The following GPC6 variants were observed in gnomAD, a reference collection of about 807,000 sequenced individuals.
GPC6 encodes glypican-6.
Under a neutral mutation model 55.2 loss-of-function variants are expected in GPC6, and 14 were observed. That is an observed-to-expected ratio of 0.25 (90% confidence interval 0.17 to 0.40). The LOEUF is 0.40. GPC6 is among the 10% of genes least tolerant of loss of function. The pLI is 1.00. For missense variants in GPC6, 641 were observed against 708.5 expected, an observed-to-expected ratio of 0.90 and a Z score of 1.08; for synonymous variants, 278 against 259.6, an observed-to-expected ratio of 1.07 and a Z score of -0.68.
intron 2 of GPC6, among the ~76,000 whole-genome samples, chr13:93,799,871 G>T (rs1886316199): frequency 6.6e-6 from 1 of 152,184 alleles, no homozygotes; most frequent in South Asian, 2.1e-4. Flanking sequence ...CTGTCTTAAA[G>T]AAGTTACTAT....
At chr13:93,591,158 AG>A (rs74610185) in intron 2 of GPC6, among the ~76,000 whole-genome samples, 84,368 of 137,616 alleles carry the variant, frequency 0.61, 28,913 homozygotes, top group Non-Finnish European at 0.76. Flanking sequence ...ATAAAGCAAA[AG>A]AAAAAAAAAA....
At chr13:94,306,563 G>A (rs564339875) in intron 6 of GPC6, among the ~76,000 whole-genome samples, 13 of 151,894 alleles carry the variant, frequency 8.6e-5, no homozygotes, top group Non-Finnish European at 1.5e-4. Flanking sequence ...GACCTTGCCC[G>A]GAAACCCCAA....
intron 1 of GPC6, among the ~76,000 whole-genome samples, chr13:93,228,187 C>A (rs913527618): frequency 6.6e-6 from 1 of 152,132 alleles, no homozygotes; most frequent in Admixed American, 6.5e-5. Context: ...CTGGGAGGGA[C>A]CCTCGCCGGG....
Position 93,370,148 on chromosome 13 carries a change from T to C in GPC6, c.160+142532T>C, listed in dbSNP as rs1291975483. On this transcript the variant is annotated intron_variant, in intron 1 of 8. Transcript: ENST00000377047. ...TCATTATTCCAGACAGTTGTCATCA[T>C]ACTGAAATGAAAACTCCTTTTAAAA... Among the ~76,000 whole-genome samples the C allele has an allele frequency of 2.0e-5, 3 of 152,180 alleles. No individual in the cohort carries two copies. In the East Asian group the frequency reaches 5.8e-4, roughly 29 times the overall value.
At chr13:93,511,991 G>C (rs1900048) in intron 1 of GPC6, among the ~76,000 whole-genome samples, 16 of 151,598 alleles carry the variant, frequency 1.1e-4, no homozygotes, top group Non-Finnish European at 2.1e-4. Context: ...TAGATCATTA[G>C]TGGTGTACAG....
At chr13:93,660,538 A>G (rs1335618202) in intron 2 of GPC6, among the ~76,000 whole-genome samples, 3 of 152,198 alleles carry the variant, frequency 2.0e-5, no homozygotes, top group African/African-American at 2.4e-5. Context: ...TCATGGACCT[A>G]TGATTCTGGA....
chr13:93,597,510 T>C (rs557045527), intron 2 of GPC6, among the ~76,000 whole-genome samples: 1 of 152,242 alleles, frequency 6.6e-6, no homozygotes, highest in South Asian at 2.1e-4. Flanking sequence ...CATTTATGAA[T>C]TACAGTTGAC....
intron 6 of GPC6, among the ~76,000 whole-genome samples, chr13:94,363,166 T>G (rs1480242063): frequency 6.6e-6 from 1 of 152,188 alleles, no homozygotes; most frequent in African/African-American, 2.4e-5. Flanking sequence ...TATCTGGTGT[T>G]TTATTGCATG....
chr13:93,702,430 A>G (rs181161494), intron 2 of GPC6, among the ~76,000 whole-genome samples: 1 of 152,048 alleles, frequency 6.6e-6, no homozygotes, highest in Non-Finnish European at 1.5e-5. Flanking sequence ...ATCATTCTTA[A>G]GGGCCCTAGG....
intron 1 of GPC6, among the ~76,000 whole-genome samples, chr13:93,480,540 A>G (rs1360542413): frequency 6.6e-6 from 1 of 152,180 alleles, no homozygotes; most frequent in African/African-American, 2.4e-5. Context: ...TTGAATATAC[A>G]GTACTGTGGT....
intron 2 of GPC6, among the ~76,000 whole-genome samples, chr13:93,758,433 T>C (rs1884850475): frequency 6.6e-6 from 1 of 152,162 alleles, no homozygotes; most frequent in Admixed American, 6.6e-5. Context: ...TCTCTCTCCC[T>C]GTCTCTCTGT....
At chr13:93,598,085 A>G (rs564494715) in intron 2 of GPC6, among the ~76,000 whole-genome samples, 239 of 152,298 alleles carry the variant, frequency 1.6e-3, no homozygotes, top group Non-Finnish European at 2.1e-3. Flanking sequence ...CAGAGGTTGC[A>G]GTGAGCTGAG....
chr13:94,360,722 A>G (rs1399020024), intron 6 of GPC6, among the ~76,000 whole-genome samples: 1 of 152,176 alleles, frequency 6.6e-6, no homozygotes, highest in Non-Finnish European at 1.5e-5. Flanking sequence ...CCCCCCAAAT[A>G]TATTTTCCAT....
intron 3 of GPC6, among the ~76,000 whole-genome samples, chr13:93,866,766 G>T (rs973251170): frequency 1.3e-5 from 2 of 151,468 alleles, no homozygotes; most frequent in Admixed American, 1.3e-4. Context: ...ATAATTAATG[G>T]GTACCAGGCT....
chr13:93,693,343 ACT>A (rs1271713298), intron 2 of GPC6, among the ~76,000 whole-genome samples: 1 of 152,146 alleles, frequency 6.6e-6, no homozygotes, highest in Non-Finnish European at 1.5e-5. Context: ...TGATCATCAA[ACT>A]CTATGAGAAG....
In GPC6 at chr13:93,680,590, C is replaced by T. The variant is rs568525043; in HGVS notation, c.319+135169C>T. Among the ~76,000 whole-genome samples the T allele has an allele frequency of 2.6e-5, 4 of 152,156 alleles. No homozygotes were observed. In the East Asian group the frequency reaches 7.7e-4, roughly 29 times the overall value. The stretch of plus-strand genomic sequence containing the variant: ...TGGGATTAAGGAGGGTCTTCTAAGC[C>T]AAAGCTATAGAACCAGAAATACAGA... On this transcript the variant is annotated intron_variant, in intron 2 of 8. Coordinates refer to ENST00000377047, the MANE Select transcript of GPC6 (RefSeq NM_005708.5).
chr13:94,359,844 T>C (rs1878973774), intron 6 of GPC6, among the ~76,000 whole-genome samples: 1 of 152,238 alleles, frequency 6.6e-6, no homozygotes, highest in South Asian at 2.1e-4. Flanking sequence ...TTGAATCAGA[T>C]TTACTGTCTG....
intron 1 of GPC6, among the ~76,000 whole-genome samples, chr13:93,385,999 G>A (rs2139210539): frequency 6.7e-6 from 1 of 150,336 alleles, no homozygotes; most frequent in East Asian, 2.0e-4. Context: ...TGGCATTTCA[G>A]TGATGAAAGA....
At chr13:93,649,447 C>T (rs530906607) in intron 2 of GPC6, among the ~76,000 whole-genome samples, 1 of 152,152 alleles carries the variant, frequency 6.6e-6, no homozygotes, top group Non-Finnish European at 1.5e-5. Flanking sequence ...GAGACCCGAT[C>T]TCAGCTCATG....
Sources: allele counts gnomAD v4.1 joint callset (sites outside exome capture counted in the v4.1 genomes callset), GRCh38; gene constraint gnomAD v4.1.1; transcripts MANE v1.5; gene names NCBI Gene and HGNC (gene_info 2026-07-23, HGNC 2026-07-21).